The following CTBS variants were observed in gnomAD, a reference collection of about 807,000 sequenced individuals.
CTBS encodes di-N-acetylchitobiase.
In CTBS, 35 loss-of-function variants were observed where a neutral mutation model predicts 44.3. The ratio of observed to expected loss-of-function variants is 0.79; its 90% CI spans 0.60 to 1.05. The LOEUF is 1.05. Among genes scored for constraint, CTBS ranks in the 50% least tolerant of loss-of-function variants. The pLI is 0.00. For missense variants in CTBS, 458 were observed against 475.3 expected (o/e 0.96, Z 0.34); for synonymous variants, 143 against 168.0 (o/e 0.85, Z 1.15).
chr1:84,550,735 G>A lies in CTBS; in HGVS notation c.*4264C>T. 1 of 1,123,604 alleles carries A rather than the reference G, an allele frequency of 8.9e-7. No homozygotes were observed. Among genetic ancestry groups the A allele is most frequent in the East Asian group, 4.3e-5 (1 of 23,198 alleles). 69.6% of individuals were successfully genotyped at this position (1,123,604 alleles called of 1,614,324 possible). A position where few individuals can be genotyped will look rare whatever the true frequency, so the allele number is the denominator to read the frequency against. On this transcript the variant is annotated 3_prime_UTR_variant, in exon 7 of 7. Transcript: ENST00000370630. Reference sequence around the variant, plus strand: ...GTGAAAAGATACATGATATAATAAAGCCAAAGTAAAATTTAGTAAAATTTT... The same window carrying A: ...GTGAAAAGATACATGATATAATAAAACCAAAGTAAAATTTAGTAAAATTTT...
In CTBS at chr1:84,550,427, CACAGAATT is replaced by C; in HGVS notation, c.*4564_*4571del. 1 of 1,479,536 alleles carries C rather than the reference CACAGAATT, an allele frequency of 6.8e-7. No individual in the cohort carries two copies. Among genetic ancestry groups the C allele is most frequent in the Non-Finnish European group, 9.1e-7 (1 of 1,099,278 alleles). The allele number at this position is 1,479,536 out of a possible 1,614,324, so 91.7% of individuals were successfully genotyped here. On this transcript the variant is annotated 3_prime_UTR_variant, in exon 7 of 7. Transcript: ENST00000370630. ...TACTAAATAAATATCTATCTATCCA[CACAGAATT>C]ACCTAATAATCCAGATCACTGAGGT...
rs1684247350 is a variant in CTBS at position 84,550,787 on chromosome 1, C to T, written c.*4212G>A. ...CTAGGAAGAATTAAAGGAAAAGGAA[C>T]CTGTGAGTCAATATATTCTCAAAAA... On this transcript the variant is annotated 3_prime_UTR_variant, in exon 7 of 7. Coordinates refer to ENST00000370630, the MANE Select transcript of CTBS (RefSeq NM_004388.3). The T allele has an allele frequency of 2.9e-6, 3 of 1,040,768 alleles. No homozygotes were observed. In the South Asian group the frequency reaches 1.4e-4, roughly 47 times the overall value. The allele number at this position is 1,040,768 out of a possible 1,614,324, so 64.5% of individuals were successfully genotyped here. A position where few individuals can be genotyped will look rare whatever the true frequency, so the allele number is the denominator to read the frequency against.
intron 1 of CTBS, chr1:84,573,780 A>C: frequency 1.9e-6 from 1 of 513,604 alleles, no homozygotes; most frequent in Non-Finnish European, 2.5e-6. Context: ...GTTTTGAGGT[A>C]CTTTAAAGGA....
At chr1:84,567,570 G>A (rs1684723658) in intron 3 of CTBS, among the ~76,000 whole-genome samples, 1 of 152,058 alleles carries the variant, frequency 6.6e-6, no homozygotes, top group Admixed American at 6.6e-5. Context: ...TAAAAATGAG[G>A]GTGTAGAAAG....
intron 1 of CTBS, among the ~76,000 whole-genome samples, chr1:84,572,867 C>T (rs6657708): frequency 0.058 from 8,877 of 152,000 alleles, 490 homozygotes; most frequent in African/African-American, 0.14. Flanking sequence ...TTAGTAGAGA[C>T]GGGGTTTCAC....
In CTBS at chr1:84,573,885, G is replaced by A. The variant is rs1570479514; in HGVS notation, c.177+354C>T. On this transcript the variant is annotated intron_variant, in intron 1 of 6. Transcript: ENST00000370630. ...TGAGATTCTTTCAAACGAAATCCTC[G>A]TTCCTTGGAAACATAAATGGATTAT... The A allele has an allele frequency of 1.1e-5, 12 of 1,119,318 alleles. No homozygotes were observed. The East Asian group carries it at 3.6e-4, about 33-fold the overall frequency. The allele number at this position is 1,119,318 out of a possible 1,614,324, so 69.3% of individuals were successfully genotyped here. A position where few individuals can be genotyped will look rare whatever the true frequency, so the allele number is the denominator to read the frequency against.
intron 6 of CTBS, among the ~76,000 whole-genome samples, chr1:84,556,977 T>TA (rs931226195): frequency 6.6e-6 from 1 of 152,196 alleles, no homozygotes; most frequent in African/African-American, 2.4e-5. Flanking sequence ...CAAAGACATA[T>TA]ACCTTTGAAT....
intron 4 of CTBS, among the ~76,000 whole-genome samples, chr1:84,564,456 C>A (rs1023081459): frequency 6.6e-5 from 10 of 151,956 alleles, no homozygotes; most frequent in Non-Finnish European, 8.8e-5. Context: ...CTTTTTAGAG[C>A]CTTTAATGTT....
chr1:84,557,325 G>A lies in CTBS; in HGVS notation c.958-2126C>T, dbSNP rs1203263524. Among the ~76,000 whole-genome samples the A allele has an allele frequency of 2.6e-5, 4 of 152,172 alleles. No homozygotes were observed. In the East Asian group the frequency reaches 7.7e-4, roughly 29 times the overall value. On this transcript the variant is annotated intron_variant, in intron 6 of 6. Transcript: ENST00000370630. ...AGATGGGTGAATCACCTGAGGTCAG[G>A]AGTTCAAGACCAGCCTGGCCAACAT...
rs780380090 is a variant in CTBS, at chr1:84,554,446, G to C, written c.*553C>G. 2.0e-5 allele frequency: 3 copies of C among 152,150 alleles called. No individual in the cohort carries two copies. The highest frequency in any genetic ancestry group is 1.3e-4 in the Admixed American group (2 of 15,278). The allele number at this position is 152,150 out of a possible 1,614,324, so 9.4% of individuals were successfully genotyped here. A position where few individuals can be genotyped will look rare whatever the true frequency, so the allele number is the denominator to read the frequency against. Reference sequence around the variant, plus strand: ...CTCACTGTCCAAAGATTTAGTTCAAGTACCTCAGAGAACATAAATACTATA... The same window carrying C: ...CTCACTGTCCAAAGATTTAGTTCAACTACCTCAGAGAACATAAATACTATA... On this transcript the variant is annotated 3_prime_UTR_variant, in exon 7 of 7. Coordinates refer to ENST00000370630, the MANE Select transcript of CTBS (RefSeq NM_004388.3).
At chr1:84,569,871 CTCA>C (rs1647245132) in intron 3 of CTBS, 57 bp downstream of exon 3, 1 of 1,332,916 alleles carries the variant, frequency 7.5e-7, no homozygotes, top group Admixed American at 1.9e-5. Context: ...TAGTTATACC[CTCA>C]TGAGTATATT....
chr1:84,562,722 C>T (rs1684617643), intron 6 of CTBS, among the ~76,000 whole-genome samples: 1 of 152,128 alleles, frequency 6.6e-6, no homozygotes, highest in Admixed American at 6.5e-5. Context: ...TGTATTTCTT[C>T]AGGTTTCCTT....
In CTBS at chr1:84,574,425, T is replaced by C. The variant is rs1647413028; in HGVS notation, c.-10A>G. 4.6e-6 allele frequency: 7 copies of C among 1,525,916 alleles called. No individual in the cohort carries two copies. The highest frequency in any genetic ancestry group is 6.1e-6 in the Non-Finnish European group (7 of 1,139,344). The allele number at this position is 1,525,916 out of a possible 1,614,324, so 94.5% of individuals were successfully genotyped here. ...GCTGCGGCCGGGACATAGCAGCAGG[T>C]CTAGCGGGCCGGAGTGGGTTCCTAC... On this transcript the variant is annotated 5_prime_UTR_variant, in exon 1 of 7. Transcript: ENST00000370630.
chr1:84,566,053 G>A (rs370282534), intron 3 of CTBS, 41 bp from the exon 4 acceptor site: 65 of 1,282,878 alleles, frequency 5.1e-5, no homozygotes, highest in Non-Finnish European at 6.1e-5. Context: ...ATATGATCAC[G>A]TGTGCATATT....
intron 4 of CTBS, 67 bp from the exon 5 acceptor site, chr1:84,563,899 T>C (rs1684641023): frequency 2.0e-6 from 3 of 1,501,540 alleles, no homozygotes; most frequent in South Asian, 1.4e-5. Context: ...ATACAAGCTA[T>C]GCAACCGTTC....
intron 3 of CTBS, among the ~76,000 whole-genome samples, chr1:84,566,545 T>G (rs2994952): frequency 0.018 from 2,744 of 152,310 alleles, 73 homozygotes; most frequent in African/African-American, 0.061. Context: ...TCTTACGGCC[T>G]ACAGGTATAG....
Position 84,563,414 on chromosome 1 carries a change from T to C in CTBS, c.800A>G (p.His267Arg). 6.6e-7 allele frequency: 1 copy of C among 1,512,720 alleles called. No individual in the cohort carries two copies. The highest frequency in any genetic ancestry group is 1.4e-5 in the South Asian group (1 of 73,380). The allele number at this position is 1,512,720 out of a possible 1,614,324, so 93.7% of individuals were successfully genotyped here. ...AGGGACTTTTGCAATGGTACAAACA[T>C]GATCCTAGAAATGCAAAAGTGCTCA... ...DYTCLNLSED[H>R]VCTIAKVPFR... The change falls in exon 6 of 7, where the codon CAT (histidine) becomes CGT (arginine). Residue 267 changes from histidine (H) to arginine (R), a missense_variant. His to Arg is a conservative substitution (Grantham distance 29, BLOSUM62 0). Coordinates refer to ENST00000370630, the MANE Select transcript of CTBS (RefSeq NM_004388.3).
chr1:84,563,526 C>T, intron 5 of CTBS, 108 bp from the exon 6 acceptor site: 2 of 808,206 alleles, frequency 2.5e-6, no homozygotes, highest in Non-Finnish European at 3.5e-6. Context: ...CCATAGAAAA[C>T]CTGACTATAC....
Position 84,553,773 on chromosome 1 carries a change from C to G in CTBS, c.*1226G>C, listed in dbSNP as rs1384464653. On this transcript the variant is annotated 3_prime_UTR_variant, in exon 7 of 7. Coordinates refer to ENST00000370630, the MANE Select transcript of CTBS (RefSeq NM_004388.3). ...TTCAATCATCATGTATTCCAATTTA[C>G]AGGGGCAAAATGTGCAGGGAAGCCA... 1 of 152,056 alleles carries G rather than the reference C, an allele frequency of 6.6e-6. No homozygotes were observed. The highest frequency in any genetic ancestry group is 1.9e-4 in the East Asian group (1 of 5,202). The allele number at this position is 152,056 out of a possible 1,614,324, so 9.4% of individuals were successfully genotyped here. A position where few individuals can be genotyped will look rare whatever the true frequency, so the allele number is the denominator to read the frequency against.
Sources: gnomAD v4.1 joint callset for allele counts (sites outside exome capture counted in the v4.1 genomes callset) on GRCh38, gnomAD v4.1.1 for gene constraint, MANE v1.5 for transcripts, NCBI Gene and HGNC (gene_info 2026-07-23, HGNC 2026-07-21) for gene names.